PBRM1: variants seen among roughly 807,000 people sequenced by gnomAD.
PBRM1 encodes polybromo 1, also known as protein polybromo-1.
In PBRM1, 27 loss-of-function variants were observed where a neutral mutation model predicts 194.5. That is an observed-to-expected ratio of 0.14 (90% CI 0.10 to 0.19). The LOEUF (loss-of-function observed/expected upper bound fraction) is 0.19, where lower values mean the gene tolerates loss of function less well. Ranked by LOEUF, PBRM1 falls within the 10% of genes least tolerant of loss-of-function variation. The pLI, the probability that PBRM1 is intolerant of heterozygous loss-of-function variation, is 1.00. For synonymous variants in PBRM1, 655 were observed against 693.2 expected, an observed-to-expected ratio of 0.94 and a Z score of 0.87; for missense variants, 1,466 against 2,077.2, an observed-to-expected ratio of 0.71 and a Z score of 5.72.
chr3:52,634,856 A>G (rs764729326), intron 10 of PBRM1, 41 bp from the exon 12 acceptor site: 2 of 1,350,166 alleles, frequency 1.5e-6, no homozygotes, highest in Admixed American at 3.6e-5. Flanking sequence ...GACGAATGAG[A>G]TGAAGAAAGA....
intron 4 of PBRM1, 80 bp from the exon 6 acceptor site, chr3:52,658,395 C>G: frequency 1.4e-6 from 1 of 725,486 alleles, no homozygotes; most frequent in South Asian, 1.7e-5. Flanking sequence ...AATTGTAGAG[C>G]TAATTCAAAA....
chr3:52,679,408 C>T (rs1304389603), intron 1 of PBRM1, among the ~76,000 whole-genome samples, 166 bp downstream of exon 2: 1 of 152,188 alleles, frequency 6.6e-6, no homozygotes, highest in Non-Finnish European at 1.5e-5. Context: ...CACACTATTA[C>T]TCTAAGACTT....
intron 27 of PBRM1, 48 bp from the exon 30 acceptor site, chr3:52,550,865 G>A: frequency 8.0e-7 from 1 of 1,249,086 alleles, no homozygotes; most frequent in Non-Finnish European, 1.2e-6. Flanking sequence ...GGGTTGAAAT[G>A]ACTGAAAAAC....
intron 15 of PBRM1, among the ~76,000 whole-genome samples, chr3:52,611,054 T>C (rs1337117994): frequency 1.3e-5 from 2 of 152,306 alleles, no homozygotes; most frequent in Admixed American, 6.5e-5. Context: ...TTCTTAATAA[T>C]ACGTACAAAC....
chr3:52,605,443 G>C (rs941092645), intron 16 of PBRM1, among the ~76,000 whole-genome samples: 3 of 152,136 alleles, frequency 2.0e-5, no homozygotes, highest in Non-Finnish European at 4.4e-5. Context: ...GAGACATTCT[G>C]GTCAGAGGAG....
chr3:52,683,291 T>C (rs2097244752), upstream of PBRM1, among the ~76,000 whole-genome samples: 1 of 151,890 alleles, frequency 6.6e-6, no homozygotes, highest in Non-Finnish European at 1.5e-5. Context: ...TGAGAATTGC[T>C]TGAACCCAGG....
chr3:52,621,069 T>C (rs942038236), intron 13 of PBRM1, among the ~76,000 whole-genome samples: 16 of 152,186 alleles, frequency 1.1e-4, no homozygotes, highest in African/African-American at 3.4e-4. Flanking sequence ...CTTTTTCCAA[T>C]ATGGAGGCTG....
chr3:52,662,332 T>C (rs2096741006), intron 3 of PBRM1, 56 bp from the exon 5 acceptor site: 1 of 1,465,458 alleles, frequency 6.8e-7, no homozygotes. Flanking sequence ...TGGAAATTAG[T>C]TGCTACTTTT....
Position 52,548,691 on chromosome 3 carries a change from G to T in PBRM1, c.4898-456C>A, listed in dbSNP as rs2080084263. Among the ~76,000 whole-genome samples, 3 of 152,096 alleles carry T rather than the reference G, an allele frequency of 2.0e-5. No individual in the cohort carries two copies. The South Asian group carries it at 6.2e-4, about 32-fold the overall frequency. On this transcript the variant is annotated intron_variant, in intron 29 of 29. Transcript: ENST00000296302. ...TCTGCCTACCTTGGCCTCCCAAAGTGCTGGGATTACAGGTGTGAGCCACTG... is the reference window on the plus strand; with the variant it reads ...TCTGCCTACCTTGGCCTCCCAAAGTTCTGGGATTACAGGTGTGAGCCACTG...
intron 20 of PBRM1, among the ~76,000 whole-genome samples, chr3:52,583,367 C>T (rs923140328): frequency 2.6e-5 from 4 of 151,236 alleles, no homozygotes; most frequent in African/African-American, 9.7e-5. Flanking sequence ...GCTGAGATCA[C>T]GCTACCGCAC....
At chr3:52,624,366 G>C (rs1004370809) in intron 13 of PBRM1, among the ~76,000 whole-genome samples, 1 of 152,192 alleles carries the variant, frequency 6.6e-6, no homozygotes, top group African/African-American at 2.4e-5. Context: ...TATTACATAG[G>C]TTGTTTTCAA....
chr3:52,576,541 C>T lies in PBRM1; in HGVS notation c.3691G>A (p.Gly1231Arg), dbSNP rs1311960562. ...TAAATAAAAAAGCACAAATACCTAC[C>T]GAGAATACATGTCATGGGGCAGGTT... The change falls in exon 22 of 30, where the codon GGA becomes AGA. Residue 1231 changes from glycine to arginine, a missense_variant and splice_region_variant. Gly to Arg is a moderately radical substitution (Grantham distance 125, BLOSUM62 -2). This residue lies in a region of PBRM1 where 687 missense variants were observed against 946.2 expected (regional missense o/e 0.73). Transcript: ENST00000296302. 3 of 1,589,936 alleles carry T rather than the reference C, an allele frequency of 1.9e-6. No individual in the cohort carries two copies. Among genetic ancestry groups the T allele is most frequent in the South Asian group, 1.2e-5 (1 of 86,266 alleles).
chr3:52,602,648 G>A (rs2094086051), intron 17 of PBRM1, among the ~76,000 whole-genome samples: 1 of 152,090 alleles, frequency 6.6e-6, no homozygotes, highest in Admixed American at 6.6e-5. Context: ...ACTTTTAGCT[G>A]GCAAAGTCAT....
chr3:52,554,227 A>G (rs2081721120), intron 27 of PBRM1, among the ~76,000 whole-genome samples: 1 of 152,246 alleles, frequency 6.6e-6, no homozygotes, highest in Non-Finnish European at 1.5e-5. Flanking sequence ...CAGCTCTGCA[A>G]TCCCCTTAGA....
At chr3:52,629,798 T>C (rs2095560019) in intron 11 of PBRM1, among the ~76,000 whole-genome samples, 1 of 152,210 alleles carries the variant, frequency 6.6e-6, no homozygotes. Flanking sequence ...ATTGTAGCAT[T>C]TGCACGTTAA....
chr3:52,621,077 C>A (rs1302687368), intron 13 of PBRM1, among the ~76,000 whole-genome samples: 2 of 152,204 alleles, frequency 1.3e-5, no homozygotes, highest in South Asian at 4.1e-4. Context: ...AATATGGAGG[C>A]TGAGCCTTAT....
chr3:52,674,314 T>G (rs1207768984), intron 2 of PBRM1, among the ~76,000 whole-genome samples: 1 of 150,726 alleles, frequency 6.6e-6, no homozygotes, highest in Non-Finnish European at 1.5e-5. Flanking sequence ...AAACCCTGTC[T>G]CTACTAAAAA....
intron 3 of PBRM1, among the ~76,000 whole-genome samples, 186 bp from the exon 5 acceptor site, chr3:52,662,462 T>C (rs1014473070): frequency 2.6e-5 from 4 of 152,200 alleles, no homozygotes; most frequent in Non-Finnish European, 4.4e-5. Flanking sequence ...AAAGACATTC[T>C]GAAATCAAAT....
rs6445529 is a variant in PBRM1 at position 52,628,706 on chromosome 3, T to A, written c.1443+188A>T. 0.46 allele frequency among the ~76,000 whole-genome samples: 69,064 copies of A among 151,612 alleles called. 16,079 individuals carry two copies. The highest frequency in any genetic ancestry group is 0.52 in the African/African-American group (21,579 of 41,288). On this transcript the variant is annotated intron_variant, in intron 12 of 29. Transcript: ENST00000296302. ...AAGCTGGTCTTGAACTCCTGAGCTCTAGTGATTCTCTCACCTTGACCTCCC... is the reference window on the plus strand; with the variant it reads ...AAGCTGGTCTTGAACTCCTGAGCTCAAGTGATTCTCTCACCTTGACCTCCC...
Sources: allele counts gnomAD v4.1 joint callset (sites outside exome capture counted in the v4.1 genomes callset), GRCh38; gene constraint gnomAD v4.1.1; regional missense constraint gnomAD v4.1.1; transcripts MANE v1.5; gene names NCBI Gene and HGNC (gene_info 2026-07-23, HGNC 2026-07-21).